INTS14: variants seen among roughly 807,000 people sequenced by gnomAD.
The protein encoded by INTS14 is integrator complex subunit 14.
Under a neutral mutation model 56.9 loss-of-function variants are expected in INTS14, and 27 were observed. The observed-to-expected ratio is 0.47, with a 90% CI of 0.35 to 0.65. INTS14 has a LOEUF of 0.65. Ranked by LOEUF, INTS14 falls within the 30% of genes least tolerant of loss-of-function variation. The probability of loss-of-function intolerance (pLI) is 0.00; values close to 1 mark genes in which losing one functional copy is unlikely to be tolerated. For synonymous variants in INTS14, 207 were observed against 236.2 expected (o/e 0.88, Z 1.13); for missense variants, 517 against 632.2 (o/e 0.82, Z 1.95).
At chr15:65,607,007 G>A (rs1291511830) in intron 2 of INTS14, 152 bp downstream of exon 2, 42 of 928,440 alleles carry the variant, frequency 4.5e-5, no homozygotes, top group Non-Finnish European at 6.3e-5. Context: ...AAGACCTACT[G>A]GTTGTGAATT....
intron 11 of INTS14, among the ~76,000 whole-genome samples, chr15:65,580,118 G>T (rs1035999028): frequency 6.6e-6 from 1 of 152,176 alleles, no homozygotes; most frequent in African/African-American, 2.4e-5. Flanking sequence ...AGGAGTCAGA[G>T]TGGAAAGACC....
chr15:65,605,285 G>C, intron 2 of INTS14, 49 bp from the exon 3 acceptor site: 1 of 1,404,564 alleles, frequency 7.1e-7, no homozygotes, highest in South Asian at 1.2e-5. Context: ...GTTTTAATTA[G>C]GTATTAGAAA....
chr15:65,587,424 A>G (rs573053876), intron 9 of INTS14, among the ~76,000 whole-genome samples: 1 of 145,058 alleles, frequency 6.9e-6, no homozygotes, highest in African/African-American at 2.5e-5. Flanking sequence ...ATAGAAAACA[A>G]GCAAAGAAAA....
At chr15:65,599,705 A>G in intron 4 of INTS14, 69 bp downstream of exon 4, 1 of 1,535,986 alleles carries the variant, frequency 6.5e-7, no homozygotes, top group South Asian at 1.2e-5. Context: ...CACTAGTGGT[A>G]TATACTGAAA....
chr15:65,600,392 G>A (rs1401141594), intron 3 of INTS14, among the ~76,000 whole-genome samples: 1 of 152,162 alleles, frequency 6.6e-6, no homozygotes, highest in Non-Finnish European at 1.5e-5. Flanking sequence ...ACTTTGGGAG[G>A]CCAAGGCAGG....
rs766286110 is a variant in INTS14, at chr15:65,611,128, G to C, written c.-93C>G. The C allele has an allele frequency of 4.2e-5, 65 of 1,534,740 alleles. No individual in the cohort carries two copies. The highest frequency in any genetic ancestry group is 7.0e-6 in the Non-Finnish European group (8 of 1,146,420). ...GCCCATCGCCGGACACAGTCCGTCGGCATAAACTTTCCGTCGGCATAAACT... is the reference window on the plus strand; with the variant it reads ...GCCCATCGCCGGACACAGTCCGTCGCCATAAACTTTCCGTCGGCATAAACT... On this transcript the variant is annotated 5_prime_UTR_variant, in exon 1 of 12. Transcript: ENST00000313182.
chr15:65,585,904 T>A (rs552563101), intron 9 of INTS14, among the ~76,000 whole-genome samples: 2 of 152,192 alleles, frequency 1.3e-5, no homozygotes, highest in South Asian at 2.1e-4. Context: ...GACTCCTCCA[T>A]AAAATACTGG....
At chr15:65,583,231 T>C (rs79565804) in intron 10 of INTS14, among the ~76,000 whole-genome samples, 9,512 of 152,246 alleles carry the variant, frequency 0.062, 308 homozygotes, top group African/African-American at 0.09. Context: ...AGACCAAAAC[T>C]TATACATGAA....
At chr15:65,607,627 A>G (rs2073704504) in intron 1 of INTS14, among the ~76,000 whole-genome samples, 185 bp from the exon 2 acceptor site, 1 of 152,208 alleles carries the variant, frequency 6.6e-6, no homozygotes, top group Admixed American at 6.5e-5. Context: ...CCACTCTTAG[A>G]ATCACCCATT....
intron 3 of INTS14, among the ~76,000 whole-genome samples, chr15:65,600,680 C>A: frequency 6.6e-6 from 1 of 151,284 alleles, no homozygotes. Context: ...CAAAAAAAGG[C>A]ACGAGAAAAT....
chr15:65,610,939 G>C, intron 1 of INTS14, 159 bp downstream of exon 1: 1 of 1,466,276 alleles, frequency 6.8e-7, no homozygotes, highest in South Asian at 1.4e-5. Flanking sequence ...GCCGGGAGCA[G>C]CGCCCCGGAA....
rs147827587 is a variant in INTS14 at position 65,607,831 on chromosome 15, G to A, written c.-62-389C>T. ...TGGTGCTATTTGACAAACAACCATT[G>A]TTTTTTGGCACTGTCACAACCTTTT... On this transcript the variant is annotated intron_variant, in intron 1 of 11. Coordinates refer to ENST00000313182, the MANE Select transcript of INTS14 (RefSeq NM_001394796.1). Among the ~76,000 whole-genome samples the A allele has an allele frequency of 3.8e-3, 582 of 152,246 alleles. 2 individuals carry two copies. Among genetic ancestry groups the A allele is most frequent in the Non-Finnish European group, 6.2e-3 (424 of 67,994 alleles).
At chr15:65,603,810 T>C (rs1207076208) in intron 3 of INTS14, among the ~76,000 whole-genome samples, 2 of 152,298 alleles carry the variant, frequency 1.3e-5, no homozygotes, top group East Asian at 3.9e-4. Context: ...CATTTACTTA[T>C]TATCTATGGC....
intron 11 of INTS14, among the ~76,000 whole-genome samples, chr15:65,580,592 A>G (rs57878019): frequency 0.063 from 9,533 of 152,300 alleles, 312 homozygotes; most frequent in African/African-American, 0.09. Flanking sequence ...TACATAATTA[A>G]GTTTGAAGAC....
chr15:65,599,247 T>C (rs2073337939), intron 4 of INTS14: 2 of 321,844 alleles, frequency 6.2e-6, no homozygotes, highest in Non-Finnish European at 1.1e-5. Context: ...GACCACAGTA[T>C]TTACACAGCA....
At chr15:65,601,630 C>G (rs1323911906) in intron 3 of INTS14, among the ~76,000 whole-genome samples, 1 of 152,080 alleles carries the variant, frequency 6.6e-6, no homozygotes, top group South Asian at 2.1e-4. Flanking sequence ...CGTGAGCCAC[C>G]GCGCCCGGCC....
intron 6 of INTS14, among the ~76,000 whole-genome samples, chr15:65,597,661 C>A (rs1467056047): frequency 2.0e-5 from 3 of 152,106 alleles, no homozygotes; most frequent in Non-Finnish European, 4.4e-5. Context: ...CCTGCCTAGC[C>A]AATAAGAACT....
intron 9 of INTS14, among the ~76,000 whole-genome samples, chr15:65,585,957 T>C (rs2072804048): frequency 1.3e-5 from 2 of 152,206 alleles, no homozygotes; most frequent in Non-Finnish European, 1.5e-5. Context: ...TGTCAATATA[T>C]AAACCTTCTG....
chr15:65,598,845 G>T, intron 5 of INTS14, 27 bp downstream of exon 5: 1 of 1,528,772 alleles, frequency 6.5e-7, no homozygotes, highest in Non-Finnish European at 9.0e-7. Flanking sequence ...TGTAAAGAAG[G>T]CAAAAGAGCT....
Sources: allele counts gnomAD v4.1 joint callset (sites outside exome capture counted in the v4.1 genomes callset), GRCh38; gene constraint gnomAD v4.1.1; transcripts MANE v1.5; gene names NCBI Gene and HGNC (gene_info 2026-07-23, HGNC 2026-07-21).